The following ZNF346 variants were observed in gnomAD, a reference collection of about 807,000 sequenced individuals.
ZNF346 encodes zinc finger protein 346.
In ZNF346, 23 loss-of-function variants were observed where a neutral mutation model predicts 33.7. The observed-to-expected ratio is 0.68, with a 90% CI of 0.49 to 0.97. The LOEUF is 0.97. Ranked by LOEUF, ZNF346 falls within the 50% of genes least tolerant of loss-of-function variation. The probability of loss-of-function intolerance (pLI) is 0.00; values close to 1 mark genes in which losing one functional copy is unlikely to be tolerated. For synonymous variants in ZNF346, 134 were observed against 142.4 expected, an observed-to-expected ratio of 0.94 and a Z score of 0.42; for missense variants, 340 against 371.1, an observed-to-expected ratio of 0.92 and a Z score of 0.69.
intron 5 of ZNF346, among the ~76,000 whole-genome samples, chr5:177,060,819 A>C (rs765647302): frequency 8.7e-6 from 1 of 114,648 alleles, no homozygotes; most frequent in African/African-American, 4.7e-5. Context: ...TAAATAAATA[A>C]ATAAGTTGTG....
At chr5:177,023,117 C>G in intron 1 of ZNF346, 1 of 1,480,916 alleles carries the variant, frequency 6.8e-7, no homozygotes. Flanking sequence ...CGCTCACGCT[C>G]AGGCCCTGGG....
At chr5:177,023,116 T>C in intron 1 of ZNF346, 1 of 1,480,860 alleles carries the variant, frequency 6.8e-7, no homozygotes, top group Non-Finnish European at 9.1e-7. Context: ...CCGCTCACGC[T>C]CAGGCCCTGG....
chr5:177,071,398 GGCCAGGC>G (rs1442257157), downstream of ZNF346, among the ~76,000 whole-genome samples: 3 of 151,638 alleles, frequency 2.0e-5, no homozygotes, highest in Admixed American at 6.6e-5. Context: ...AGAAAAAAGG[GGCCAGGC>G]GCCAGGCGCG....
At chr5:177,076,999 C>T (rs879442591) in intron 8 of ZNF346, among the ~76,000 whole-genome samples, 1 of 152,156 alleles carries the variant, frequency 6.6e-6, no homozygotes, top group Admixed American at 6.5e-5. Flanking sequence ...CGAGATCACG[C>T]CACTGTACTC....
intron 1 of ZNF346, among the ~76,000 whole-genome samples, chr5:177,036,171 T>C (rs1174767751): frequency 1.3e-5 from 2 of 152,086 alleles, no homozygotes; most frequent in Non-Finnish European, 2.9e-5. Flanking sequence ...GTGGAGCCTC[T>C]GGGGGCTGGC....
At chr5:177,071,719 T>A (rs1348368518), downstream of ZNF346, among the ~76,000 whole-genome samples, 1 of 151,202 alleles carries the variant, frequency 6.6e-6, no homozygotes, top group Non-Finnish European at 1.5e-5. Context: ...AGAAAGCCCT[T>A]CCTTCCCTCA....
intron 1 of ZNF346, among the ~76,000 whole-genome samples, chr5:177,037,452 C>G (rs1345485150): frequency 6.6e-6 from 1 of 152,164 alleles, no homozygotes; most frequent in Non-Finnish European, 1.5e-5. Context: ...CTCACACTCA[C>G]ATAACGAAAA....
intron 5 of ZNF346, chr5:177,051,630 C>T (rs1289329641): frequency 6.6e-6 from 1 of 152,188 alleles, no homozygotes; most frequent in Non-Finnish European, 1.5e-5. Context: ...CCTCCACCTC[C>T]TGGGTTCAAG....
At chr5:177,029,039 C>T (rs954400781) in intron 1 of ZNF346, among the ~76,000 whole-genome samples, 1 of 151,996 alleles carries the variant, frequency 6.6e-6, no homozygotes, top group Non-Finnish European at 1.5e-5. Flanking sequence ...CCCCTTTCAG[C>T]CACACCTTGG....
intron 8 of ZNF346, among the ~76,000 whole-genome samples, chr5:177,074,577 G>A (rs1464630136): frequency 2.0e-5 from 3 of 152,190 alleles, no homozygotes; most frequent in African/African-American, 4.8e-5. Context: ...AGGCCCAGGA[G>A]TTCACATCCA....
At chr5:177,060,836 G>A (rs1470742088) in intron 5 of ZNF346, among the ~76,000 whole-genome samples, 1 of 151,508 alleles carries the variant, frequency 6.6e-6, no homozygotes, top group South Asian at 2.1e-4. Context: ...TGTGGGCTGG[G>A]GTGGTGGCTT....
intron 4 of ZNF346, among the ~76,000 whole-genome samples, chr5:177,048,969 A>G (rs544720363): frequency 6.6e-5 from 10 of 151,668 alleles, no homozygotes; most frequent in African/African-American, 2.4e-4. Flanking sequence ...TTTTTTTAGT[A>G]GAGACTGAGT....
chr5:177,035,852 G>T (rs1257110779), intron 1 of ZNF346, among the ~76,000 whole-genome samples: 1 of 151,892 alleles, frequency 6.6e-6, no homozygotes, highest in Non-Finnish European at 1.5e-5. Context: ...TGTTGGCCAG[G>T]CTGGTCTTGA....
chr5:177,072,302 G>A (rs1340431980), downstream of ZNF346, among the ~76,000 whole-genome samples: 1 of 152,214 alleles, frequency 6.6e-6, no homozygotes, highest in Non-Finnish European at 1.5e-5. Context: ...CCCTCAGGAG[G>A]CCCTCTCTGT....
exon 9 of ZNF346, chr5:177,080,816 A>T (rs979925303): frequency 1.3e-5 from 2 of 152,138 alleles, no homozygotes; most frequent in Non-Finnish European, 2.9e-5. Flanking sequence ...TCCAAAAAAA[A>T]CCCAGATCTG....
intron 3 of ZNF346, among the ~76,000 whole-genome samples, chr5:177,043,666 G>A (rs1346029918): frequency 6.6e-6 from 1 of 152,024 alleles, no homozygotes; most frequent in Non-Finnish European, 1.5e-5. Context: ...TTGCAGGGGT[G>A]GGTGGGAGAA....
In ZNF346 at chr5:177,067,930, T is replaced by C. The variant is rs1783312764; in HGVS notation, c.*3331T>C. On this transcript the variant is annotated 3_prime_UTR_variant, in exon 7 of 7. Coordinates refer to ENST00000358149, the MANE Select transcript of ZNF346 (RefSeq NM_012279.4). ...GACCATCCTGGCCAACGTGGTGAAATCCCATCTCTACAAAAAATAAAAAAT... is the reference window on the plus strand; with the variant it reads ...GACCATCCTGGCCAACGTGGTGAAACCCCATCTCTACAAAAAATAAAAAAT... 6.6e-6 allele frequency among the ~76,000 whole-genome samples: 1 copy of C among 151,828 alleles called. No homozygotes were observed. Among genetic ancestry groups the C allele is most frequent in the Non-Finnish European group, 1.5e-5 (1 of 67,942 alleles).
rs1033390574 is a variant in ZNF346 at position 177,034,396 on chromosome 5, T to C, written c.176-6730T>C. ...GCACCACGACACTCAGCTAATCTTT[T>C]TTGGTTTTTTGTAAAGACAGGGTCC... On this transcript the variant is annotated intron_variant, in intron 1 of 6. Transcript: ENST00000358149. Among the ~76,000 whole-genome samples the C allele has an allele frequency of 2.6e-5, 4 of 152,008 alleles. No homozygotes were observed. In the Middle Eastern group the frequency reaches 0.01, roughly 388 times the overall value.
chr5:177,078,850 A>T (rs1783871835), intron 8 of ZNF346, among the ~76,000 whole-genome samples: 1 of 152,138 alleles, frequency 6.6e-6, no homozygotes, highest in African/African-American at 2.4e-5. Context: ...GACAGGTTGC[A>T]GTGAGCCGAG....
Sources: gnomAD v4.1 joint callset for allele counts (sites outside exome capture counted in the v4.1 genomes callset) on GRCh38, gnomAD v4.1.1 for gene constraint, MANE v1.5 for transcripts, NCBI Gene and HGNC (gene_info 2026-07-23, HGNC 2026-07-21) for gene names.